The following EPB41L2 variants were observed in gnomAD, a reference collection of about 807,000 sequenced individuals.
EPB41L2 encodes the protein band 4.1-like protein 2.
Under a neutral mutation model 113.0 loss-of-function variants are expected in EPB41L2, and 43 were observed. That is an observed-to-expected ratio of 0.38 (90% CI 0.30 to 0.49). EPB41L2 has a LOEUF of 0.49. Among genes scored for constraint, EPB41L2 ranks in the 20% least tolerant of loss-of-function variants. EPB41L2 has a pLI of 0.95. For synonymous variants in EPB41L2, 442 were observed against 436.7 expected (o/e 1.01, Z -0.15); for missense variants, 1,147 against 1,223.4 (o/e 0.94, Z 0.93).
chr6:130,877,071 A>T (rs1271978517), intron 14 of EPB41L2, among the ~76,000 whole-genome samples: 1 of 152,234 alleles, frequency 6.6e-6, no homozygotes, highest in Non-Finnish European at 1.5e-5. Flanking sequence ...AATATTTTCA[A>T]AAGTTCTGTG....
chr6:130,993,895 G>A (rs1465732270), intron 1 of EPB41L2, among the ~76,000 whole-genome samples: 2 of 152,154 alleles, frequency 1.3e-5, no homozygotes, highest in African/African-American at 4.8e-5. Context: ...GATGAAAAAT[G>A]TTTAAAAACC....
chr6:130,941,651 G>A (rs1465931017), intron 3 of EPB41L2, among the ~76,000 whole-genome samples: 1 of 152,188 alleles, frequency 6.6e-6, no homozygotes, highest in Non-Finnish European at 1.5e-5. Context: ...GGAAGGAGAT[G>A]TCAGTGAATA....
At chr6:131,016,523 C>CACACACACACA (rs1788255953) in intron 1 of EPB41L2, among the ~76,000 whole-genome samples, 1 of 148,902 alleles carries the variant, frequency 6.7e-6, no homozygotes, top group African/African-American at 2.5e-5. Flanking sequence ...CACACACACT[C>CACACACACACA]CACCAGGCTG....
At chr6:131,025,304 G>A (rs894470432) in intron 1 of EPB41L2, among the ~76,000 whole-genome samples, 24 of 152,036 alleles carry the variant, frequency 1.6e-4, no homozygotes, top group African/African-American at 5.3e-4. Context: ...TACCACAATA[G>A]TGCTAGCTAT....
intron 1 of EPB41L2, among the ~76,000 whole-genome samples, chr6:131,005,828 A>G (rs1187005436): frequency 6.6e-6 from 1 of 152,198 alleles, no homozygotes; most frequent in Non-Finnish European, 1.5e-5. Context: ...ACCCAGTTTT[A>G]ATGAAAACAA....
At chr6:131,000,567 A>T (rs368631290) in intron 1 of EPB41L2, 1 of 152,196 alleles carries the variant, frequency 6.6e-6, no homozygotes, top group Admixed American at 6.5e-5. Flanking sequence ...ACAGTAAAAA[A>T]CAGAAATACC....
chr6:130,984,544 T>A (rs1311826473), intron 1 of EPB41L2, among the ~76,000 whole-genome samples: 1 of 152,214 alleles, frequency 6.6e-6, no homozygotes, highest in Non-Finnish European at 1.5e-5. Flanking sequence ...GGGACCTCCA[T>A]CCTATATGTG....
At chr6:130,978,011 C>T (rs114992844) in intron 1 of EPB41L2, among the ~76,000 whole-genome samples, 2,247 of 152,146 alleles carry the variant, frequency 0.015, 53 homozygotes, top group African/African-American at 0.051. Flanking sequence ...AATTTCCTAC[C>T]AATCCAATGT....
intron 14 of EPB41L2, among the ~76,000 whole-genome samples, chr6:130,877,025 G>T (rs1787795798): frequency 6.6e-6 from 1 of 152,146 alleles, no homozygotes; most frequent in Non-Finnish European, 1.5e-5. Context: ...AACTGAAGTT[G>T]TATTCAACTT....
intron 3 of EPB41L2, among the ~76,000 whole-genome samples, chr6:130,954,040 CTT>C (rs780758511): frequency 0.09 from 5,300 of 58,794 alleles, 419 homozygotes; most frequent in Admixed American, 0.17. Context: ...CCTTTTCTTT[CTT>C]TTTTTTTTTT....
chr6:130,955,028 A>G, intron 3 of EPB41L2, 77 bp downstream of exon 3: 1 of 1,356,748 alleles, frequency 7.4e-7, no homozygotes, highest in East Asian at 2.3e-5. Flanking sequence ...GGAACTTAAT[A>G]AAACACAAAA....
intron 19 of EPB41L2, among the ~76,000 whole-genome samples, chr6:130,845,980 T>C (rs1297808656): frequency 6.6e-6 from 1 of 152,214 alleles, no homozygotes; most frequent in Non-Finnish European, 1.5e-5. Flanking sequence ...AGACAAGGGA[T>C]GTTATTCAAT....
intron 4 of EPB41L2, among the ~76,000 whole-genome samples, chr6:130,910,618 A>C (rs1300097914): frequency 6.6e-6 from 1 of 152,224 alleles, no homozygotes; most frequent in African/African-American, 2.4e-5. Flanking sequence ...AAATTTTTGC[A>C]ATCTATCCAT....
intron 3 of EPB41L2, among the ~76,000 whole-genome samples, chr6:130,943,337 T>A (rs955281565): frequency 6.6e-6 from 1 of 152,262 alleles, no homozygotes; most frequent in Non-Finnish European, 1.5e-5. Flanking sequence ...GTGTCCAAAC[T>A]GATTTTAAAG....
At chr6:130,916,025 G>A (rs945849151) in intron 4 of EPB41L2, among the ~76,000 whole-genome samples, 10 of 152,110 alleles carry the variant, frequency 6.6e-5, no homozygotes, top group Non-Finnish European at 1.3e-4. Context: ...TTACTATTTT[G>A]GGAATGTTAT....
At chr6:130,954,268 T>C (rs191389375) in intron 3 of EPB41L2, among the ~76,000 whole-genome samples, 15 of 152,032 alleles carry the variant, frequency 9.9e-5, no homozygotes, top group African/African-American at 3.4e-4. Flanking sequence ...TTAGCCAGGA[T>C]GGTCTGGATC....
At chr6:131,014,753 T>C (rs1256375626) in intron 1 of EPB41L2, among the ~76,000 whole-genome samples, 1 of 152,160 alleles carries the variant, frequency 6.6e-6, no homozygotes, top group African/African-American at 2.4e-5. Context: ...CAAGACCCAT[T>C]ACACTTTGAT....
At chr6:130,963,447 T>C (rs895460244) in intron 1 of EPB41L2, among the ~76,000 whole-genome samples, 3 of 152,218 alleles carry the variant, frequency 2.0e-5, no homozygotes, top group Non-Finnish European at 2.9e-5. Context: ...ACTAATTCTT[T>C]ACTCTAACAA....
chr6:130,904,923 T>C (rs1402245032), intron 5 of EPB41L2, among the ~76,000 whole-genome samples: 2 of 78,622 alleles, frequency 2.5e-5, no homozygotes, highest in Non-Finnish European at 4.8e-5. Context: ...ACCCTTTTTT[T>C]TTTTTTTAAA....
Sources: allele counts gnomAD v4.1 joint callset (sites outside exome capture counted in the v4.1 genomes callset), GRCh38; gene constraint gnomAD v4.1.1; transcripts MANE v1.5; gene names NCBI Gene and HGNC (gene_info 2026-07-23, HGNC 2026-07-21).